Variants in ATPSCKMT observed in about 807,000 individuals in gnomAD.
ATPSCKMT encodes ATP synthase subunit C lysine N-methyltransferase.
In ATPSCKMT, 24 loss-of-function variants were observed where a neutral mutation model predicts 24.3. The observed-to-expected ratio is 0.99, with a 90% CI of 0.71 to 1.39. The LOEUF is 1.39. Among genes scored for constraint, ATPSCKMT ranks in the 40% most tolerant of loss-of-function variants. The probability of loss-of-function intolerance (pLI) is 0.00; values close to 1 mark genes in which losing one functional copy is unlikely to be tolerated. For synonymous variants in ATPSCKMT, 95 were observed against 110.5 expected, an observed-to-expected ratio of 0.86 and a Z score of 0.88; for missense variants, 311 against 298.4, an observed-to-expected ratio of 1.04 and a Z score of -0.31.
At chr5:10,249,033 C>T (rs1216312060) in intron 1 of ATPSCKMT, among the ~76,000 whole-genome samples, 1 of 152,048 alleles carries the variant, frequency 6.6e-6, no homozygotes, top group Admixed American at 6.5e-5. Flanking sequence ...TTGGGGAGAC[C>T]TAGACGGGTA....
intron 1 of ATPSCKMT, among the ~76,000 whole-genome samples, chr5:10,248,933 A>T (rs1033576933): frequency 5.3e-5 from 8 of 152,212 alleles, no homozygotes; most frequent in Admixed American, 1.3e-4. Flanking sequence ...TTTAGAGGAC[A>T]GCTGCGGTTG....
chr5:10,235,256 A>T lies in ATPSCKMT; in HGVS notation c.450T>A (p.Thr150=), dbSNP rs888230456. The T allele has an allele frequency of 1.9e-6, 3 of 1,613,248 alleles. No individual in the cohort carries two copies. The African/African-American group carries it at 4.0e-5, about 22-fold the overall frequency. The change falls in exon 4 of 5, where the codon ACT becomes ACA. Residue 150 remains threonine, a synonymous_variant. Transcript: ENST00000511437. ...TAACAACGTTCGAGTACTGCGAAAA[A>T]GTAACCTGAACAAGGTGGGAAAATA... ...KFYISDLWKV[T]FSQYSNVVIF...
intron 1 of ATPSCKMT, among the ~76,000 whole-genome samples, chr5:10,240,191 A>G (rs1355615369): frequency 3.3e-5 from 5 of 151,578 alleles, no homozygotes; most frequent in Non-Finnish European, 7.4e-5. Flanking sequence ...CCGAGATCGC[A>G]CCACTGCACT....
intron 4 of ATPSCKMT, 31 bp downstream of exon 4, chr5:10,235,180 C>A: frequency 1.2e-6 from 2 of 1,611,496 alleles, no homozygotes; most frequent in East Asian, 2.2e-5. Flanking sequence ...TCATCTAACC[C>A]CAAACAGAGA....
intron 3 of ATPSCKMT, chr5:10,236,182 G>T: frequency 3.9e-6 from 1 of 254,736 alleles, no homozygotes; most frequent in Non-Finnish European, 7.4e-6. Context: ...TAATTTATAG[G>T]ATTTCCAAAT....
At chr5:10,247,608 G>C (rs933890679) in intron 1 of ATPSCKMT, among the ~76,000 whole-genome samples, 2 of 152,176 alleles carry the variant, frequency 1.3e-5, no homozygotes, top group African/African-American at 4.8e-5. Flanking sequence ...GCCTCCTAAA[G>C]TGCCTCCATG....
intron 4 of ATPSCKMT, among the ~76,000 whole-genome samples, chr5:10,234,961 G>A (rs1744308683): frequency 6.6e-6 from 1 of 152,198 alleles, no homozygotes; most frequent in African/African-American, 2.4e-5. Flanking sequence ...TTTCCAAACT[G>A]GAATGTTTAA....
At chr5:10,249,824 C>A in intron 1 of ATPSCKMT, 34 bp downstream of exon 1, 1 of 1,548,046 alleles carries the variant, frequency 6.5e-7, no homozygotes, top group Non-Finnish European at 8.7e-7. Flanking sequence ...CCTTCTCATG[C>A]CCCCAGGAAC....
In ATPSCKMT at chr5:10,226,455, G is replaced by A. The variant is rs529977803; in HGVS notation, c.*986C>T. On this transcript the variant is annotated 3_prime_UTR_variant, in exon 5 of 5. Coordinates refer to ENST00000511437, the MANE Select transcript of ATPSCKMT (RefSeq NM_199133.4). ...TTCAATTCTTTTCTGTGATAAGTAC[G>A]AATGACTCAAGCTACCATTCAATAT... 6.0e-4 allele frequency: 92 copies of A among 152,294 alleles called. 1 individual carries two copies. The highest frequency in any genetic ancestry group is 2.0e-3 in the African/African-American group (83 of 41,570). 9.4% of individuals were successfully genotyped at this position (152,294 alleles called of 1,614,324 possible). A position where few individuals can be genotyped will look rare whatever the true frequency, so the allele number is the denominator to read the frequency against.
At chr5:10,229,984 T>TC (rs2126420851) in intron 4 of ATPSCKMT, among the ~76,000 whole-genome samples, 2 of 152,340 alleles carry the variant, frequency 1.3e-5, no homozygotes, top group African/African-American at 4.8e-5. Flanking sequence ...TCAGCCTTTT[T>TC]CTCAAAGATT....
In ATPSCKMT at chr5:10,226,072, C is replaced by A. The variant is rs1186268200; in HGVS notation, c.*1369G>T. ...CTGGCTGAAGTCCACAACATCACATCCCCTCATCTCAGACTCACACAGGTG... is the reference window on the plus strand; with the variant it reads ...CTGGCTGAAGTCCACAACATCACATACCCTCATCTCAGACTCACACAGGTG... On this transcript the variant is annotated 3_prime_UTR_variant, in exon 5 of 5. Transcript: ENST00000511437. 3.3e-5 allele frequency among the ~76,000 whole-genome samples: 5 copies of A among 152,216 alleles called. No homozygotes were observed. Among genetic ancestry groups the A allele is most frequent in the South Asian group, 2.1e-4 (1 of 4,834 alleles).
intron 1 of ATPSCKMT, among the ~76,000 whole-genome samples, chr5:10,246,350 A>G (rs2607305): frequency 0.98 from 148,791 of 152,198 alleles, 72,813 homozygotes; most frequent in African/African-American, 1. Context: ...CAAGAGAATC[A>G]CCTGAACCGG....
chr5:10,229,810 G>A (rs1375552941), intron 4 of ATPSCKMT, among the ~76,000 whole-genome samples: 1 of 152,186 alleles, frequency 6.6e-6, no homozygotes, highest in Non-Finnish European at 1.5e-5. Context: ...TACTGTCCTT[G>A]TGTATTCGAA....
chr5:10,249,803 C>T, intron 1 of ATPSCKMT, 55 bp downstream of exon 1: 2 of 1,534,652 alleles, frequency 1.3e-6, no homozygotes, highest in Non-Finnish European at 8.7e-7. Context: ...AGCCCCCGGC[C>T]CGCCCGCACC....
chr5:10,231,376 C>T (rs1405398660), intron 4 of ATPSCKMT, among the ~76,000 whole-genome samples: 1 of 152,042 alleles, frequency 6.6e-6, no homozygotes, highest in Non-Finnish European at 1.5e-5. Flanking sequence ...TGTACCCACC[C>T]CTGCCTCCAC....
rs923804833 is a variant in ATPSCKMT at position 10,236,713 on chromosome 5, A to G, written c.307-98T>C. 9 of 1,523,888 alleles carry G rather than the reference A, an allele frequency of 5.9e-6. No homozygotes were observed. The Admixed American group carries it at 1.1e-4, about 18-fold the overall frequency. The allele number at this position is 1,523,888 out of a possible 1,614,324, so 94.4% of individuals were successfully genotyped here. ...TTCCTATCAATGGTTTAAACATCCA[A>G]TCAAAAAGCACCTCCCGTGACTAAG... On this transcript the variant is annotated intron_variant, in intron 2 of 4. Transcript: ENST00000511437.
intron 4 of ATPSCKMT, among the ~76,000 whole-genome samples, chr5:10,228,240 T>C (rs1417270001): frequency 6.6e-6 from 1 of 152,208 alleles, no homozygotes; most frequent in Non-Finnish European, 1.5e-5. Flanking sequence ...TGTTTCTCAA[T>C]AGCAATGGTG....
At chr5:10,249,693 C>T in intron 1 of ATPSCKMT, 165 bp downstream of exon 1, 3 of 1,149,308 alleles carry the variant, frequency 2.6e-6, no homozygotes, top group Non-Finnish European at 3.6e-6. Flanking sequence ...GGGCACCGCG[C>T]GGCGACCAGG....
intron 1 of ATPSCKMT, among the ~76,000 whole-genome samples, chr5:10,245,687 C>T (rs1444145973): frequency 1.3e-5 from 2 of 149,376 alleles, no homozygotes; most frequent in Non-Finnish European, 3.0e-5. Context: ...GTGGAGGTTG[C>T]AGTGAGCCGA....
Sources: allele counts gnomAD v4.1 joint callset (sites outside exome capture counted in the v4.1 genomes callset), GRCh38; gene constraint gnomAD v4.1.1; transcripts MANE v1.5; gene names NCBI Gene and HGNC (gene_info 2026-07-23, HGNC 2026-07-21).